The following HIP1R variants were observed in gnomAD, a reference collection of about 807,000 sequenced individuals.
HIP1R encodes huntingtin-interacting protein 1-related protein.
HIP1R carries 135 observed loss-of-function variants against 144.2 expected under a neutral mutation model. The observed-to-expected ratio is 0.94, with a 90% CI of 0.81 to 1.08. HIP1R has a LOEUF of 1.08. Among genes scored for constraint, HIP1R ranks in the 50% least tolerant of loss-of-function variants. The probability of loss-of-function intolerance (pLI) is 0.00; values close to 1 mark genes in which losing one functional copy is unlikely to be tolerated. For synonymous variants in HIP1R, 698 were observed against 612.8 expected, an observed-to-expected ratio of 1.14 and a Z score of -2.05; for missense variants, 1,462 against 1,432.8, an observed-to-expected ratio of 1.02 and a Z score of -0.33.
At chr12:122,841,999 C>G (rs2033072456) in intron 1 of HIP1R, among the ~76,000 whole-genome samples, 1 of 152,130 alleles carries the variant, frequency 6.6e-6, no homozygotes, top group Admixed American at 6.5e-5. Flanking sequence ...AGCAGTTGCC[C>G]CTGACTTCCT....
chr12:122,845,986 C>CT lies in HIP1R; in HGVS notation c.94-2044dup, dbSNP rs756617163. On this transcript the variant is annotated intron_variant, in intron 1 of 31. Transcript: ENST00000253083. ...AGTGTCAGGAGAAACCCCCGCATCT[C>CT]TGTGTCTACAGCCTCTCTGGTGCCA... 1.0e-3 allele frequency among the ~76,000 whole-genome samples: 157 copies of CT among 152,386 alleles called. 1 individual carries two copies. Among genetic ancestry groups the CT allele is most frequent in the Non-Finnish European group, 2.0e-3 (136 of 68,032 alleles).
rs755697606 is a variant in HIP1R, at chr12:122,861,422, G to A, written c.3067G>A (p.Ala1023Thr). ...GASGSPGEEV[A>T]IRPSTAPRSV... ...ATCAGGCAGCCCTGGAGAGGAGGTG[G>A]CCATCCGGCCCAGCACTGCCCCCCG... is the stretch of plus-strand genomic sequence containing the variant. The change falls in exon 31 of 32, where the codon GCC becomes ACC. Residue 1023 changes from alanine (A) to threonine (T), a missense_variant. By Grantham distance (58) the Ala-to-Thr change is moderately conservative. Coordinates refer to ENST00000253083, the MANE Select transcript of HIP1R (RefSeq NM_003959.3). 1.3e-4 allele frequency: 209 copies of A among 1,613,344 alleles called. No individual in the cohort carries two copies. The highest frequency in any genetic ancestry group is 1.7e-4 in the Non-Finnish European group (195 of 1,179,900).
rs200261171 is a variant in HIP1R, at chr12:122,856,038, A to G, written c.1187A>G (p.Glu396Gly). The G allele has an allele frequency of 8.8e-6, 14 of 1,596,090 alleles. No individual in the cohort carries two copies. In the East Asian group the frequency reaches 3.2e-4, roughly 36 times the overall value. The change falls in exon 14 of 32, where the codon GAG becomes GGG. Residue 396 changes from glutamate to glycine, a missense_variant. This residue lies in a region of HIP1R where 1,112 missense variants were observed against 1,011.7 expected (regional missense o/e 1.10). Transcript: ENST00000253083. ...SQVNALEGEL[E>G]EQRKQKQKAL... is the part of the protein sequence containing the mutation. ...GTGAATGCACTGGAGGGTGAGCTGGAGGAGCAGCGGAAGCAGAAGCAGAAG... is the reference window on the plus strand; with the variant it reads ...GTGAATGCACTGGAGGGTGAGCTGGGGGAGCAGCGGAAGCAGAAGCAGAAG...
chr12:122,844,873 G>A (rs542947413), intron 1 of HIP1R, among the ~76,000 whole-genome samples: 8 of 152,306 alleles, frequency 5.3e-5, no homozygotes, highest in South Asian at 2.1e-4. Flanking sequence ...TGTTCTGCCC[G>A]AGGGGCCACA....
intron 26 of HIP1R, 37 bp downstream of exon 26, chr12:122,860,247 G>T: frequency 6.5e-7 from 1 of 1,537,256 alleles, no homozygotes; most frequent in South Asian, 1.2e-5. Flanking sequence ...AGTCCACAAG[G>T]AGCCTGACCC....
In HIP1R at chr12:122,857,195, C is replaced by A. The variant is rs1232621994; in HGVS notation, c.1795C>A (p.Gln599Lys). The part of the protein sequence containing the change: ...QRSSQEQGEL[Q>K]GRLAERESQE... ...CAGCTCCCAGGAGCAGGGCGAGTTGCAGGGCCGGCTGGCAGAGAGGGTATG... is the reference window on the plus strand; with the variant it reads ...CAGCTCCCAGGAGCAGGGCGAGTTGAAGGGCCGGCTGGCAGAGAGGGTATG... Residue 599 changes from glutamine to lysine, a missense_variant, in exon 18 of 32, where the codon CAG becomes AAG. Transcript: ENST00000253083. 1.5e-5 allele frequency: 24 copies of A among 1,550,326 alleles called. No individual in the cohort carries two copies. Among genetic ancestry groups the A allele is most frequent in the Non-Finnish European group, 2.0e-5 (23 of 1,146,864 alleles).
In HIP1R at chr12:122,859,188, G is replaced by C; in HGVS notation, c.2286G>C (p.Gln762His). The C allele has an allele frequency of 6.4e-7, 1 of 1,572,072 alleles. No homozygotes were observed. Among genetic ancestry groups the C allele is most frequent in the Non-Finnish European group, 8.6e-7 (1 of 1,159,424 alleles). Reference sequence around the variant, plus strand: ...GGACACCCCTGCAGGGCATCCTTCAGCTGGGCCAGGTGAGGCACAGCTGAG... The same window carrying C: ...GGACACCCCTGCAGGGCATCCTTCACCTGGGCCAGGTGAGGCACAGCTGAG... ...LVRTPLQGIL[Q>H]LGQELKPKSL... Residue 762 changes from glutamine to histidine, a missense_variant, in exon 22 of 32, where the codon CAG becomes CAC. Gln to His is a conservative substitution (Grantham distance 24). Transcript: ENST00000253083.
At chr12:122,858,719 T>C in intron 20 of HIP1R, 119 bp from the exon 21 acceptor site, 1 of 783,458 alleles carries the variant, frequency 1.3e-6, no homozygotes. Context: ...GGACGTTGTC[T>C]TGCCGAGCCC....
chr12:122,841,404 G>T (rs775226801), intron 1 of HIP1R, among the ~76,000 whole-genome samples: 1 of 152,180 alleles, frequency 6.6e-6, no homozygotes, highest in Non-Finnish European at 1.5e-5. Flanking sequence ...CAACTGCTCA[G>T]ACCTGCACCA....
chr12:122,856,011 A>G lies in HIP1R; in HGVS notation c.1160A>G (p.Gln387Arg). Reference sequence around the variant, plus strand: ...CGGTACATCGCGCAGCTGAAGAGCCAGGTGAATGCACTGGAGGGTGAGCTG... The same window carrying G: ...CGGTACATCGCGCAGCTGAAGAGCCGGGTGAATGCACTGGAGGGTGAGCTG... ...AQRYIAQLKS[Q>R]VNALEGELEE... Residue 387 changes from glutamine to arginine, a missense_variant, in exon 14 of 32, where the codon CAG becomes CGG. Around this residue, in one of 2 missense-constraint regions of HIP1R, gnomAD observed 1,112 missense variants for 1,011.7 expected, o/e 1.10. Transcript: ENST00000253083. 6.3e-7 allele frequency: 1 copy of G among 1,595,524 alleles called. No homozygotes were observed. Among genetic ancestry groups the G allele is most frequent in the Non-Finnish European group, 8.5e-7 (1 of 1,171,392 alleles).
In HIP1R at chr12:122,861,036, A is replaced by C. The variant is rs777206516; in HGVS notation, c.2887A>C (p.Arg963=). 5.0e-6 allele frequency: 8 copies of C among 1,613,544 alleles called. No individual in the cohort carries two copies. The African/African-American group carries it at 1.1e-4, about 22-fold the overall frequency. Reference sequence around the variant, plus strand: ...GTCAGGCCAGGAGCAGATTGAGGACAGAGGTGAGTGCCAGATGCCAACGGG... The same window carrying C: ...GTCAGGCCAGGAGCAGATTGAGGACCGAGGTGAGTGCCAGATGCCAACGGG... ...TKSGQEQIED[R]DTMDFSGLSL... is the part of the protein sequence containing the mutation. Residue 963 remains arginine (R), a synonymous_variant, in exon 29 of 32, where the codon AGA becomes CGA. Coordinates refer to ENST00000253083, the MANE Select transcript of HIP1R (RefSeq NM_003959.3).
At chr12:122,845,038 C>T (rs1188875671) in intron 1 of HIP1R, among the ~76,000 whole-genome samples, 2 of 152,254 alleles carry the variant, frequency 1.3e-5, no homozygotes, top group Non-Finnish European at 2.9e-5. Flanking sequence ...CCTCAGGACC[C>T]AGAACCAAGT....
chr12:122,857,772 C>G (rs957007761), intron 18 of HIP1R: 1 of 316,822 alleles, frequency 3.2e-6, no homozygotes, highest in African/African-American at 2.1e-5. Flanking sequence ...TTTTAGCCAT[C>G]CTAGTGGGTG....
chr12:122,847,303 C>CGGGGG (rs200939955), intron 1 of HIP1R, among the ~76,000 whole-genome samples: 10 of 103,662 alleles, frequency 9.6e-5, no homozygotes, highest in Non-Finnish European at 1.7e-4. Flanking sequence ...GTAGCCGGGG[C>CGGGGG]GGGGGGGGAG....
chr12:122,842,079 A>C (rs1389372330), intron 1 of HIP1R, among the ~76,000 whole-genome samples: 1 of 152,160 alleles, frequency 6.6e-6, no homozygotes, highest in African/African-American at 2.4e-5. Flanking sequence ...CTCCTCAGCT[A>C]CAGAAACCCT....
At position 122,860,914 on chromosome 12, in the gene HIP1R, A is replaced by AG. The variant is rs1369901972; in HGVS notation, c.2767dup. ...GGCCCACCCTGACCTCTCGCCCCTC[A>AG]GGTGAAGGCCAACAAGCACAGCCCC... is the stretch of plus-strand genomic sequence containing the variant. On this transcript the variant is annotated splice_acceptor_variant, in intron 28 of 31. Coordinates refer to ENST00000253083, the MANE Select transcript of HIP1R (RefSeq NM_003959.3). LOFTEE classifies it high-confidence loss of function. 1 of 1,609,144 alleles carries AG rather than the reference A, an allele frequency of 6.2e-7. No homozygotes were observed. Among genetic ancestry groups the AG allele is most frequent in the South Asian group, 1.1e-5 (1 of 90,718 alleles).
chr12:122,860,363 A>ACCTTTGGTGTCCTTGAGGGCCC (rs1566115525), intron 26 of HIP1R, 60 bp from the exon 27 acceptor site: 18 of 1,588,518 alleles, frequency 1.1e-5, no homozygotes, highest in Non-Finnish European at 1.6e-5. Flanking sequence ...CTTGAGGGCC[A>ACCTTTGGTGTCCTTGAGGGCCC]CTTTCCACCT....
chr12:122,849,524 G>A (rs1171460112), intron 4 of HIP1R, among the ~76,000 whole-genome samples: 4 of 152,272 alleles, frequency 2.6e-5, no homozygotes, highest in African/African-American at 9.6e-5. Flanking sequence ...CAGCTGGCCC[G>A]GCCGCAGGGG....
At position 122,855,995 on chromosome 12, in the gene HIP1R, G is replaced by C. The variant is rs139835095; in HGVS notation, c.1144G>C (p.Ala382Pro). The change falls in exon 14 of 32, where the codon GCG becomes CCG. Residue 382 changes from alanine (A) to proline (P), a missense_variant. Transcript: ENST00000253083. ...KIKLEAQRYI[A>P]QLKSQVNALE... ...CCTCCCGCAGGCCCAGCGGTACATC[G>C]CGCAGCTGAAGAGCCAGGTGAATGC... 6.3e-7 allele frequency: 1 copy of C among 1,590,628 alleles called. No homozygotes were observed. The highest frequency in any genetic ancestry group is 8.6e-7 in the Non-Finnish European group (1 of 1,169,012).
Sources: gnomAD v4.1 joint callset for allele counts (sites outside exome capture counted in the v4.1 genomes callset) on GRCh38, gnomAD v4.1.1 for gene constraint, gnomAD v4.1.1 regional missense constraint, MANE v1.5 for transcripts, NCBI Gene and HGNC (gene_info 2026-07-23, HGNC 2026-07-21) for gene names.